The following FER1L6 variants were observed in gnomAD, a reference collection of about 807,000 sequenced individuals.
FER1L6 encodes fer-1 like family member 6.
FER1L6 carries 177 observed loss-of-function variants against 219.2 expected under a neutral mutation model. That is an observed-to-expected ratio of 0.81 (90% CI 0.71 to 0.91). The LOEUF is 0.91. Among genes scored for constraint, FER1L6 ranks in the 40% least tolerant of loss-of-function variants. The pLI, the probability that FER1L6 is intolerant of heterozygous loss-of-function variation, is 0.00. For missense variants in FER1L6, 2,153 were observed against 2,259.9 expected (o/e 0.95, Z 0.96); for synonymous variants, 768 against 824.3 (o/e 0.93, Z 1.17).
At chr8:123,928,594 C>G (rs1431311846) in intron 1 of FER1L6, among the ~76,000 whole-genome samples, 2 of 152,192 alleles carry the variant, frequency 1.3e-5, no homozygotes, top group Non-Finnish European at 2.9e-5. Context: ...GAGGTGAGCA[C>G]TGCTCCTGGC....
intron 11 of FER1L6, among the ~76,000 whole-genome samples, chr8:123,983,392 C>T (rs1816410481): frequency 6.6e-6 from 1 of 152,148 alleles, no homozygotes; most frequent in Non-Finnish European, 1.5e-5. Context: ...TGTGAACACA[C>T]TGACTAGCTT....
Position 124,000,669 on chromosome 8 carries a change from GTTA to G in FER1L6, c.1520-2493_1520-2491del, listed in dbSNP as rs1817365510. Among the ~76,000 whole-genome samples the G allele has an allele frequency of 2.0e-5, 3 of 152,296 alleles. No individual in the cohort carries two copies. The South Asian group carries it at 6.2e-4, about 32-fold the overall frequency. Reference sequence around the variant, plus strand: ...ACAAAGTGCCATGCATACAGTAGATGTTATTATGTAACTCTCCAAATCTTCTTG... The same window carrying G: ...ACAAAGTGCCATGCATACAGTAGATGTTATGTAACTCTCCAAATCTTCTTG... On this transcript the variant is annotated intron_variant, in intron 12 of 40. Coordinates refer to ENST00000522917, the MANE Select transcript of FER1L6 (RefSeq NM_001039112.2).
Position 124,068,567 on chromosome 8 carries a change from A to C in FER1L6, c.3718+761A>C, listed in dbSNP as rs376399527. The stretch of plus-strand genomic sequence containing the variant: ...CCTAACAACTTTGCGCAAGACCCTT[A>C]GGATATTTGAGCCTCATATTGAACT... On this transcript the variant is annotated intron_variant, in intron 28 of 40. Transcript: ENST00000522917. Among the ~76,000 whole-genome samples the C allele has an allele frequency of 2.6e-3, 402 of 152,348 alleles. 23 individuals are homozygous for C. The South Asian group carries it at 0.079, about 30-fold the overall frequency.
Position 124,060,222 on chromosome 8 carries a change from C to G in FER1L6, c.2917C>G (p.Pro973Ala), listed in dbSNP as rs200769651. 26 of 1,613,558 alleles carry G rather than the reference C, an allele frequency of 1.6e-5. No homozygotes were observed. Among genetic ancestry groups the G allele is most frequent in the Admixed American group, 3.3e-5 (2 of 59,962 alleles). ...GLQGLPPVEP[P>A]DITQIYPVPA... ...GCAAGGCCTCCCACCCGTTGAGCCA[C>G]CAGACATCACCCAGATCTACCCGGT... The change falls in exon 23 of 41, where the codon CCA becomes GCA. Residue 973 changes from proline to alanine, a missense_variant. Physicochemically the swap from Pro to Ala is conservative, Grantham distance 27. Transcript: ENST00000522917.
chr8:124,019,114 A>T (rs1818336677), intron 16 of FER1L6, among the ~76,000 whole-genome samples: 1 of 152,216 alleles, frequency 6.6e-6, no homozygotes, highest in African/African-American at 2.4e-5. Context: ...TATCTCAATC[A>T]TTCATAGGAT....
At chr8:124,004,247 A>G (rs747428222) in intron 13 of FER1L6, 4 of 152,172 alleles carry the variant, frequency 2.6e-5, no homozygotes, top group Non-Finnish European at 5.9e-5. Flanking sequence ...AAATAGAAGT[A>G]AAATTACAGA....
At chr8:124,051,777 C>T (rs1036060176) in intron 22 of FER1L6, among the ~76,000 whole-genome samples, 1 of 152,068 alleles carries the variant, frequency 6.6e-6, no homozygotes, top group Admixed American at 6.6e-5. Flanking sequence ...AAACCCAGAC[C>T]CTGCCCAGGT....
chr8:124,067,616 G>A (rs1820881846), intron 27 of FER1L6, 151 bp from the exon 28 acceptor site: 1 of 686,746 alleles, frequency 1.5e-6, no homozygotes, highest in East Asian at 2.8e-5. Context: ...GATCTTTACA[G>A]TGCGGCTTCA....
At chr8:124,016,604 C>T (rs767955705) in intron 15 of FER1L6, among the ~76,000 whole-genome samples, 2 of 152,212 alleles carry the variant, frequency 1.3e-5, no homozygotes, top group Admixed American at 6.5e-5. Flanking sequence ...CATGTCCACA[C>T]TCATACCATA....
intron 1 of FER1L6, among the ~76,000 whole-genome samples, chr8:123,918,308 CA>C (rs34073010): frequency 0.33 from 41,397 of 123,634 alleles, 5,785 homozygotes; most frequent in East Asian, 0.53. Context: ...CAACCTGTCT[CA>C]AAAAAAAAAA....
At chr8:123,999,111 C>T (rs1301583057) in intron 12 of FER1L6, among the ~76,000 whole-genome samples, 2 of 152,212 alleles carry the variant, frequency 1.3e-5, no homozygotes, top group Non-Finnish European at 2.9e-5. Flanking sequence ...TCTTTCCTCT[C>T]CTTTCCTCAA....
At chr8:123,974,859 G>A (rs1815992717) in intron 7 of FER1L6, among the ~76,000 whole-genome samples, 1 of 151,914 alleles carries the variant, frequency 6.6e-6, no homozygotes, top group Non-Finnish European at 1.5e-5. Flanking sequence ...CTTCATTAAT[G>A]TCCCCCTATT....
At chr8:123,993,026 A>T (rs1437731389) in intron 12 of FER1L6, among the ~76,000 whole-genome samples, 1 of 152,196 alleles carries the variant, frequency 6.6e-6, no homozygotes, top group African/African-American at 2.4e-5. Flanking sequence ...TGGAATTGAT[A>T]TCTAGTTTTA....
chr8:123,857,237 C>T (rs1162575825), intron 1 of FER1L6, among the ~76,000 whole-genome samples: 7 of 152,150 alleles, frequency 4.6e-5, no homozygotes, highest in African/African-American at 1.2e-4. Context: ...GGCCTTGGCA[C>T]GATGGCTCAT....
Position 123,853,823 on chromosome 8 carries a change from C to T in FER1L6, c.-8+1638C>T, listed in dbSNP as rs781055366. On this transcript the variant is annotated intron_variant, in intron 1 of 40. Coordinates refer to ENST00000522917, the MANE Select transcript of FER1L6 (RefSeq NM_001039112.2). The surrounding 1 kb of genome is among the most constrained non-coding windows in gnomAD (Gnocchi z 6.6). ...AACGATGTAAGAAGGAACAACATCG[C>T]GGCCTTGATGAAGCCACAGTGATGC... 4.6e-5 allele frequency among the ~76,000 whole-genome samples: 7 copies of T among 152,144 alleles called. No individual in the cohort carries two copies. The highest frequency in any genetic ancestry group is 3.9e-4 in the East Asian group (2 of 5,186).
rs1366575014 is a variant in FER1L6, at chr8:123,977,486, T to G, written c.940T>G (p.Phe314Val). Residue 314 changes from phenylalanine (F) to valine (V), a missense_variant, in exon 10 of 41, where the codon TTC (phenylalanine) becomes GTC (valine). By Grantham distance (50) the Phe-to-Val change is conservative. Transcript: ENST00000522917. ...TGAACAGGTGATCTTCAAGGAAATG[T>G]TCCCTCCCTTGTGTCGGAGGGTGAA... The part of the protein sequence containing the change: ...WHEQVIFKEM[F>V]PPLCRRVKIQ... 1 of 1,613,994 alleles carries G rather than the reference T, an allele frequency of 6.2e-7. No homozygotes were observed. Among genetic ancestry groups the G allele is most frequent in the Non-Finnish European group, 8.5e-7 (1 of 1,179,986 alleles).
chr8:123,897,957 G>A (rs1264271760), intron 1 of FER1L6, among the ~76,000 whole-genome samples: 2 of 152,026 alleles, frequency 1.3e-5, no homozygotes, highest in African/African-American at 4.8e-5. Flanking sequence ...TAAAAGAATG[G>A]GCTGATTCCG....
intron 1 of FER1L6, among the ~76,000 whole-genome samples, chr8:123,941,815 C>T (rs111338922): frequency 8.5e-5 from 13 of 152,186 alleles, no homozygotes; most frequent in South Asian, 4.2e-4. Flanking sequence ...ACAGAGCAGA[C>T]GAGGGAAGGA....
At chr8:123,993,632 A>AT (rs1447179711) in intron 12 of FER1L6, among the ~76,000 whole-genome samples, 4 of 151,960 alleles carry the variant, frequency 2.6e-5, no homozygotes, top group South Asian at 2.1e-4. Flanking sequence ...TGCTATGTGG[A>AT]TTTTTTTGTC....
Sources: allele counts gnomAD v4.1 joint callset (sites outside exome capture counted in the v4.1 genomes callset), GRCh38; gene constraint gnomAD v4.1.1; non-coding constraint Gnocchi (gnomAD v3.1); transcripts MANE v1.5; gene names NCBI Gene and HGNC (gene_info 2026-07-23, HGNC 2026-07-21).